The following GJB6 variants were observed in gnomAD, a reference collection of about 807,000 sequenced individuals.
The protein encoded by GJB6 is gap junction beta-6 protein.
GJB6 carries 5 observed loss-of-function variants against 5.4 expected under a neutral mutation model. The observed-to-expected ratio is 0.92, with a 90% confidence interval of 0.48 to 1.93. GJB6 has a LOEUF of 1.93. Among genes scored for constraint, GJB6 ranks in the 30% most tolerant of loss-of-function variants. The probability of loss-of-function intolerance (pLI) is 0.01; values close to 1 mark genes in which losing one functional copy is unlikely to be tolerated. For synonymous variants in GJB6, 136 were observed against 129.6 expected, an observed-to-expected ratio of 1.05 and a Z score of -0.34; for missense variants, 298 against 326.9, an observed-to-expected ratio of 0.91 and a Z score of 0.68.
In GJB6 at chr13:20,223,100, C is replaced by G; in HGVS notation, c.381G>C (p.Arg127=). ...DIEDIKKQKV[R]IEGSLWWTYT... is the part of the protein sequence containing the mutation. ...ACGTCCACCACAGCGACCCCTCTATCCGAACCTTCTGCTTTTTAATGTCCT... is the reference window on the plus strand; with the variant it reads ...ACGTCCACCACAGCGACCCCTCTATGCGAACCTTCTGCTTTTTAATGTCCT... The change falls in exon 5 of 5, where the codon CGG becomes CGC. Residue 127 remains arginine (R), a synonymous_variant. Transcript: ENST00000647029. The G allele has an allele frequency of 6.2e-7, 1 of 1,613,988 alleles. No homozygotes were observed. Among genetic ancestry groups the G allele is most frequent in the South Asian group, 1.1e-5 (1 of 91,084 alleles).
intron 4 of GJB6, among the ~76,000 whole-genome samples, chr13:20,227,761 G>A (rs1246727158): frequency 6.6e-6 from 1 of 152,250 alleles, no homozygotes; most frequent in Non-Finnish European, 1.5e-5. Flanking sequence ...TCAGCTGCGG[G>A]TTATCAAGCC....
At chr13:20,227,447 A>C (rs1398406812) in intron 4 of GJB6, among the ~76,000 whole-genome samples, 1 of 152,108 alleles carries the variant, frequency 6.6e-6, no homozygotes, top group East Asian at 1.9e-4. Flanking sequence ...GTCCTCCTGC[A>C]AGAGCCACAA....
intron 4 of GJB6, among the ~76,000 whole-genome samples, chr13:20,224,344 TCATCTG>T (rs1869432644): frequency 6.6e-6 from 1 of 152,196 alleles, no homozygotes; most frequent in African/African-American, 2.4e-5. Context: ...TTGAATAACA[TCATCTG>T]CCATACTCAT....
Position 20,232,225 on chromosome 13 carries a change from T to A in GJB6, c.-451A>T, listed in dbSNP as rs1870137029. 6.6e-6 allele frequency: 1 copy of A among 151,950 alleles called. No homozygotes were observed. The highest frequency in any genetic ancestry group is 6.6e-5 in the Admixed American group (1 of 15,256). The allele number at this position is 151,950 out of a possible 1,614,324, so 9.4% of individuals were successfully genotyped here. On this transcript the variant is annotated 5_prime_UTR_variant, in exon 1 of 5. Coordinates refer to ENST00000647029, the MANE Select transcript of GJB6 (RefSeq NM_001110219.3). ...TGCGGCCGGCGGCCCTGGCGCGGGC[T>A]CTGCGCGGGGCGGCGCCCTTCGCTC... is the stretch of plus-strand genomic sequence containing the variant.
At position 20,232,228 on chromosome 13, in the gene GJB6, G is replaced by A. The variant is rs1870137294; in HGVS notation, c.-454C>T. On this transcript the variant is annotated 5_prime_UTR_variant, in exon 1 of 5. Coordinates refer to ENST00000647029, the MANE Select transcript of GJB6 (RefSeq NM_001110219.3). ...GGCCGGCGGCCCTGGCGCGGGCTCTGCGCGGGGCGGCGCCCTTCGCTCCGG... is the reference window on the plus strand; with the variant it reads ...GGCCGGCGGCCCTGGCGCGGGCTCTACGCGGGGCGGCGCCCTTCGCTCCGG... 6.6e-6 allele frequency: 1 copy of A among 152,004 alleles called. No individual in the cohort carries two copies. Among genetic ancestry groups the A allele is most frequent in the South Asian group, 2.1e-4 (1 of 4,832 alleles). The allele number at this position is 152,004 out of a possible 1,614,324, so 9.4% of individuals were successfully genotyped here.
chr13:20,227,656 C>T lies in GJB6; in HGVS notation c.-16+1924G>A, dbSNP rs148412182. The stretch of plus-strand genomic sequence containing the variant: ...ACCTGAGGGGCTCACCAACCAGCTC[C>T]GGGGATCTGCCGTGCGTATCATTCT... On this transcript the variant is annotated intron_variant, in intron 4 of 4. Transcript: ENST00000647029. 3.6e-4 allele frequency among the ~76,000 whole-genome samples: 55 copies of T among 152,270 alleles called. No homozygotes were observed. The East Asian group carries it at 8.7e-3, about 24-fold the overall frequency.
intron 4 of GJB6, among the ~76,000 whole-genome samples, chr13:20,229,150 A>AT (rs375096954): frequency 3.9e-4 from 24 of 62,186 alleles, no homozygotes; most frequent in African/African-American, 5.6e-4. Context: ...AAAAAAAAAA[A>AT]TTTTTTTTTT....
chr13:20,225,843 C>A (rs151314715), intron 4 of GJB6, among the ~76,000 whole-genome samples: 125 of 152,266 alleles, frequency 8.2e-4, no homozygotes, highest in African/African-American at 3.0e-3. Context: ...CCTCTGCTAT[C>A]GTTGGGAGGT....
At chr13:20,231,885 C>G (rs1870105539) in intron 1 of GJB6, among the ~76,000 whole-genome samples, 1 of 152,272 alleles carries the variant, frequency 6.6e-6, no homozygotes, top group Non-Finnish European at 1.5e-5. Context: ...CCTCGTTCCT[C>G]TGCGTACAGA....
At chr13:20,226,325 C>T (rs879038884) in intron 4 of GJB6, among the ~76,000 whole-genome samples, 2 of 151,922 alleles carry the variant, frequency 1.3e-5, no homozygotes, top group Non-Finnish European at 2.9e-5. Flanking sequence ...AATGGGCTAC[C>T]CTTCACACCA....
chr13:20,229,315 ATTTTTTTTTTTTTTTTTTTT>A (rs60451416), intron 4 of GJB6, among the ~76,000 whole-genome samples: 2 of 55,272 alleles, frequency 3.6e-5, no homozygotes, highest in African/African-American at 6.3e-5. Context: ...TACCTGGTTA[ATTTTTTTTTTTTTTTTTTTT>A]TTTTTTTTTT....
chr13:20,230,169 T>C (rs1869986120), intron 3 of GJB6: 1 of 152,220 alleles, frequency 6.6e-6, no homozygotes, highest in South Asian at 2.1e-4. Flanking sequence ...AACCTGATAG[T>C]TGATTTTTAA....
In GJB6 at chr13:20,222,886, A is replaced by T. The variant is rs111033338; in HGVS notation, c.595T>A (p.Ser199Thr). ...TVFTIFMISASVICMLLNVAE... is the reference protein window; with the variant it reads ...TVFTIFMISATVICMLLNVAE... Reference sequence around the variant, plus strand: ...ACGTTAAGCAGCATGCAAATCACAGACGCAGAAATCATAAAAATGGTAAAC... The same window carrying T: ...ACGTTAAGCAGCATGCAAATCACAGTCGCAGAAATCATAAAAATGGTAAAC... The change falls in exon 5 of 5, where the codon TCT (serine) becomes ACT (threonine). Residue 199 changes from serine (S) to threonine (T), a missense_variant. Ser to Thr is a moderately conservative substitution (Grantham distance 58, BLOSUM62 1). Coordinates refer to ENST00000647029, the MANE Select transcript of GJB6 (RefSeq NM_001110219.3). 6.8e-3 allele frequency: 11,052 copies of T among 1,614,150 alleles called. 54 individuals are homozygous for T. The highest frequency in any genetic ancestry group is 8.6e-3 in the Non-Finnish European group (10,138 of 1,180,010).
intron 2 of GJB6, 178 bp from the exon 3 acceptor site, chr13:20,230,985 C>G (rs1297404361): frequency 6.6e-6 from 1 of 152,264 alleles, no homozygotes; most frequent in East Asian, 1.9e-4. Context: ...ATGTGACAGG[C>G]TAGAGCCCTG....
chr13:20,226,314 A>T (rs964266323), intron 4 of GJB6, among the ~76,000 whole-genome samples: 9 of 151,988 alleles, frequency 5.9e-5, no homozygotes, highest in Middle Eastern at 3.4e-3. Flanking sequence ...AAGAAAATTG[A>T]AATGGGCTAC....
rs756650660 is a variant in GJB6 at position 20,222,904 on chromosome 13, T to C, written c.577A>G (p.Ile193Val). 1.9e-6 allele frequency: 3 copies of C among 1,614,110 alleles called. No individual in the cohort carries two copies. The highest frequency in any genetic ancestry group is 1.7e-5 in the Admixed American group (1 of 60,016). The change falls in exon 5 of 5, where the codon ATT (isoleucine) becomes GTT (valine). Residue 193 changes from isoleucine (I) to valine (V), a missense_variant. Transcript: ENST00000647029. ...ATCACAGACGCAGAAATCATAAAAA[T>C]GGTAAACACGGTCTTCTCTGTTGGC... is the stretch of plus-strand genomic sequence containing the variant. ...SRPTEKTVFTIFMISASVICM... is the reference protein window; with the variant it reads ...SRPTEKTVFTVFMISASVICM...
intron 4 of GJB6, among the ~76,000 whole-genome samples, chr13:20,228,738 C>G (rs1309357418): frequency 1.3e-5 from 2 of 151,858 alleles, no homozygotes; most frequent in Non-Finnish European, 2.9e-5. Flanking sequence ...CCCCCCTTGG[C>G]CTCCCAAAGT....
chr13:20,227,136 T>A (rs1048925082), intron 4 of GJB6, among the ~76,000 whole-genome samples: 8 of 152,136 alleles, frequency 5.3e-5, no homozygotes, highest in African/African-American at 1.9e-4. Flanking sequence ...TCTCCCTGTT[T>A]TTTTTTTCTA....
chr13:20,227,345 G>C (rs939844160), intron 4 of GJB6, among the ~76,000 whole-genome samples: 1 of 152,122 alleles, frequency 6.6e-6, no homozygotes, highest in Admixed American at 6.5e-5. Context: ...AAAAGTAAAG[G>C]AGATGCCGAG....
Sources: allele counts gnomAD v4.1 joint callset (sites outside exome capture counted in the v4.1 genomes callset), GRCh38; gene constraint gnomAD v4.1.1; transcripts MANE v1.5; gene names NCBI Gene and HGNC (gene_info 2026-07-23, HGNC 2026-07-21).